ASAP1: variants seen among roughly 807,000 people sequenced by gnomAD.
ASAP1 encodes the protein arf-GAP with SH3 domain, ANK repeat and PH domain-containing protein 1.
A neutral mutation model predicts 145.2 loss-of-function variants in ASAP1; 43 were observed. The observed-to-expected ratio is 0.30, with a 90% CI of 0.23 to 0.38. ASAP1 has a LOEUF of 0.38. Ranked by LOEUF, ASAP1 falls within the 10% of genes least tolerant of loss-of-function variation. The probability of loss-of-function intolerance (pLI) is 1.00; values close to 1 mark genes in which losing one functional copy is unlikely to be tolerated. For synonymous variants in ASAP1, 546 were observed against 515.5 expected (o/e 1.06, Z -0.80); for missense variants, 1,018 against 1,355.3 (o/e 0.75, Z 3.91).
intron 3 of ASAP1, among the ~76,000 whole-genome samples, chr8:130,313,669 A>T (rs140279378): frequency 7.9e-5 from 12 of 152,370 alleles, no homozygotes; most frequent in Admixed American, 3.9e-4. Context: ...AATAAAAAAT[A>T]AAATTAAATT....
intron 3 of ASAP1, among the ~76,000 whole-genome samples, chr8:130,259,845 T>C (rs568999128): frequency 2.8e-4 from 43 of 152,304 alleles, no homozygotes; most frequent in African/African-American, 1.0e-3. Flanking sequence ...ACAAGCAAAC[T>C]GTACCTTTGT....
chr8:130,207,677 T>C (rs1280828388), intron 5 of ASAP1, among the ~76,000 whole-genome samples: 4 of 152,192 alleles, frequency 2.6e-5, no homozygotes, highest in African/African-American at 7.2e-5. Flanking sequence ...TCAAAACCCA[T>C]GCACTTGTAA....
At chr8:130,140,905 C>CA (rs1266061216) in intron 13 of ASAP1, among the ~76,000 whole-genome samples, 1 of 152,144 alleles carries the variant, frequency 6.6e-6, no homozygotes, top group African/African-American at 2.4e-5. Context: ...CACAGAAGTC[C>CA]AAAAACCAAG....
chr8:130,129,753 G>T (rs1463753924), intron 15 of ASAP1, among the ~76,000 whole-genome samples: 2 of 152,128 alleles, frequency 1.3e-5, no homozygotes, highest in Non-Finnish European at 2.9e-5. Context: ...TTGACTCTAG[G>T]TGGCGCTCAC....
intron 16 of ASAP1, among the ~76,000 whole-genome samples, chr8:130,127,401 G>C (rs978943777): frequency 6.6e-6 from 1 of 152,132 alleles, no homozygotes; most frequent in Non-Finnish European, 1.5e-5. Context: ...ATTTTTAATA[G>C]AGATGGGGTT....
chr8:130,298,850 C>A (rs1230061551), intron 3 of ASAP1, among the ~76,000 whole-genome samples: 2 of 152,176 alleles, frequency 1.3e-5, no homozygotes, highest in African/African-American at 4.8e-5. Context: ...CATCACAGCA[C>A]TGACCACACT....
At chr8:130,193,386 A>T (rs1057196935) in intron 5 of ASAP1, among the ~76,000 whole-genome samples, 1 of 151,934 alleles carries the variant, frequency 6.6e-6, no homozygotes, top group Non-Finnish European at 1.5e-5. Flanking sequence ...AACCCCAAAA[A>T]ACAAAAGACA....
intron 3 of ASAP1, chr8:130,340,795 A>T (rs1345172253): frequency 2.5e-6 from 1 of 407,286 alleles, no homozygotes; most frequent in African/African-American, 2.1e-5. Context: ...TAAAATTTAC[A>T]TAAAGAACTT....
chr8:130,318,191 C>G (rs1210417547), intron 3 of ASAP1, among the ~76,000 whole-genome samples: 1 of 152,156 alleles, frequency 6.6e-6, no homozygotes, highest in African/African-American at 2.4e-5. Flanking sequence ...AAGTAATCCT[C>G]CCACCTCAGC....
chr8:130,198,265 C>T (rs1815639022), intron 5 of ASAP1, among the ~76,000 whole-genome samples: 1 of 151,842 alleles, frequency 6.6e-6, no homozygotes. Flanking sequence ...GCTGGGACTA[C>T]AGGCACCTGC....
intron 23 of ASAP1, among the ~76,000 whole-genome samples, chr8:130,114,651 T>A (rs2097551971): frequency 6.6e-6 from 1 of 152,236 alleles, no homozygotes; most frequent in Admixed American, 6.5e-5. Context: ...TTTAATCTTA[T>A]ATTGATCCCC....
chr8:130,235,167 C>T (rs529437596), intron 4 of ASAP1, among the ~76,000 whole-genome samples: 17 of 152,250 alleles, frequency 1.1e-4, no homozygotes, highest in African/African-American at 4.1e-4. Context: ...ACTTGAGTTT[C>T]TCTCTTTTTC....
chr8:130,375,553 A>G (rs1267446386), intron 2 of ASAP1, among the ~76,000 whole-genome samples: 18 of 82,082 alleles, frequency 2.2e-4, no homozygotes, highest in East Asian at 4.6e-4. Flanking sequence ...CTCTCGAGGG[A>G]AAAAAAAAAA....
At chr8:130,242,791 A>G (rs555643726) in intron 3 of ASAP1, among the ~76,000 whole-genome samples, 1 of 152,276 alleles carries the variant, frequency 6.6e-6, no homozygotes, top group East Asian at 1.9e-4. Flanking sequence ...TGCCAGAAGA[A>G]AGAATTGACA....
At chr8:130,134,195 G>T in intron 15 of ASAP1, 101 bp downstream of exon 15, 1 of 879,178 alleles carries the variant, frequency 1.1e-6, no homozygotes, top group Non-Finnish European at 1.7e-6. Flanking sequence ...GAGCCACCAG[G>T]CGAGGTTCTT....
chr8:130,365,304 T>C (rs1480342345), intron 2 of ASAP1, among the ~76,000 whole-genome samples: 1 of 152,262 alleles, frequency 6.6e-6, no homozygotes, highest in Non-Finnish European at 1.5e-5. Flanking sequence ...GTAGGCTTTT[T>C]CTTCTCTAGG....
intron 1 of ASAP1, among the ~76,000 whole-genome samples, chr8:130,432,900 A>T (rs1830186395): frequency 6.6e-6 from 1 of 152,234 alleles, no homozygotes. Flanking sequence ...GAGGGTGGAC[A>T]TCTGAAGATC....
chr8:130,206,413 T>C (rs546306856), intron 5 of ASAP1, among the ~76,000 whole-genome samples: 1 of 151,944 alleles, frequency 6.6e-6, no homozygotes, highest in East Asian at 1.9e-4. Context: ...ACCTGTACAT[T>C]ATCAGATATT....
chr8:130,383,554 A>C (rs1392234702), intron 2 of ASAP1, among the ~76,000 whole-genome samples: 4 of 152,182 alleles, frequency 2.6e-5, no homozygotes, highest in Non-Finnish European at 5.9e-5. Flanking sequence ...TGCCTTGTTT[A>C]ATCTTCACTG....
Sources: allele counts gnomAD v4.1 joint callset (sites outside exome capture counted in the v4.1 genomes callset), GRCh38; gene constraint gnomAD v4.1.1; transcripts MANE v1.5; gene names NCBI Gene and HGNC (gene_info 2026-07-23, HGNC 2026-07-21).